Variants in EPHA7 observed in about 807,000 individuals in gnomAD.
EPHA7 encodes ephrin type-A receptor 7.
In EPHA7, 25 loss-of-function variants were observed where a neutral mutation model predicts 112.6. The observed-to-expected ratio is 0.22, with a 90% CI of 0.16 to 0.31. EPHA7 has a LOEUF of 0.31. Ranked by LOEUF, EPHA7 falls within the 10% of genes least tolerant of loss-of-function variation. EPHA7 has a pLI of 1.00. For missense variants in EPHA7, 962 were observed against 1,212.6 expected, an observed-to-expected ratio of 0.79 and a Z score of 3.07; for synonymous variants, 437 against 406.5, an observed-to-expected ratio of 1.07 and a Z score of -0.90.
chr6:93,263,838 T>G (rs545198704), intron 9 of EPHA7, 22 bp downstream of exon 9: 52 of 1,605,006 alleles, frequency 3.2e-5, no homozygotes, highest in Middle Eastern at 1.7e-4. Flanking sequence ...TACATCATAA[T>G]AAAGAAAAGC....
At position 93,260,511 on chromosome 6, in the gene EPHA7, C is replaced by T; in HGVS notation, c.1799-1032G>A. 6 of 955,262 alleles carry T rather than the reference C, an allele frequency of 6.3e-6. No individual in the cohort carries two copies. The South Asian group carries it at 2.9e-4, about 46-fold the overall frequency. The allele number at this position is 955,262 out of a possible 1,614,324, so 59.2% of individuals were successfully genotyped here. A position where few individuals can be genotyped will look rare whatever the true frequency, so the allele number is the denominator to read the frequency against. On this transcript the variant is annotated intron_variant, in intron 9 of 16. Coordinates refer to ENST00000369303, the MANE Select transcript of EPHA7 (RefSeq NM_004440.4). ...AAACTTTATTGTTTTAACAAAGCCA[C>T]TGAACAATCTTTTCATCAAATCTTA...
chr6:93,264,495 T>A (rs183160887), intron 8 of EPHA7, 99 bp downstream of exon 8: 1 of 629,122 alleles, frequency 1.6e-6, no homozygotes, highest in African/African-American at 1.9e-5. Context: ...AATGTTTGCA[T>A]TTACTATTTA....
At chr6:93,402,187 T>C (rs937843071) in intron 3 of EPHA7, among the ~76,000 whole-genome samples, 1 of 152,018 alleles carries the variant, frequency 6.6e-6, no homozygotes, top group African/African-American at 2.4e-5. Context: ...TTTCCTTATG[T>C]TCTCCCCCCT....
chr6:93,270,408 T>TA (rs1326592771), intron 6 of EPHA7, among the ~76,000 whole-genome samples: 1 of 151,312 alleles, frequency 6.6e-6, no homozygotes, highest in East Asian at 1.9e-4. Context: ...ATAGTAAGAT[T>TA]AAGAAGGGAA....
At position 93,255,246 on chromosome 6, in the gene EPHA7, G is replaced by A. The variant is rs9294567; in HGVS notation, c.2383-450C>T. On this transcript the variant is annotated intron_variant, in intron 13 of 16. Transcript: ENST00000369303. The stretch of plus-strand genomic sequence containing the variant: ...GCCTGTTATCCTAGCTACTCGGAAG[G>A]CTGAGGCAGGAGCATTGCTTGAACC... Among the ~76,000 whole-genome samples, 1,111 of 152,116 alleles carry A rather than the reference G, an allele frequency of 7.3e-3. 17 individuals carry two copies. Among genetic ancestry groups the A allele is most frequent in the African/African-American group, 0.026 (1,069 of 41,486 alleles).
chr6:93,412,995 T>C (rs1039294713), intron 2 of EPHA7, among the ~76,000 whole-genome samples: 3 of 151,976 alleles, frequency 2.0e-5, no homozygotes, highest in African/African-American at 7.2e-5. Flanking sequence ...TGATGTAGAC[T>C]ACAAACATTG....
intron 5 of EPHA7, among the ~76,000 whole-genome samples, chr6:93,333,927 C>T (rs143198222): frequency 7.2e-5 from 11 of 152,022 alleles, no homozygotes; most frequent in African/African-American, 2.6e-4. Context: ...AAATTGTTCA[C>T]ATAATTAGAT....
chr6:93,323,142 C>T (rs1184908305), intron 5 of EPHA7, among the ~76,000 whole-genome samples: 1 of 151,474 alleles, frequency 6.6e-6, no homozygotes, highest in Admixed American at 6.6e-5. Context: ...AGCATTTTAA[C>T]AAAATAATTT....
intron 5 of EPHA7, among the ~76,000 whole-genome samples, chr6:93,355,189 TA>T (rs1341204123): frequency 6.6e-6 from 1 of 152,168 alleles, no homozygotes; most frequent in African/African-American, 2.4e-5. Flanking sequence ...CTAAATCACT[TA>T]TTTTTTGTCT....
chr6:93,283,963 T>A (rs1322484510), intron 5 of EPHA7, among the ~76,000 whole-genome samples: 3 of 152,194 alleles, frequency 2.0e-5, no homozygotes, highest in African/African-American at 4.8e-5. Flanking sequence ...ATTGAAGGTA[T>A]GCCTATTCTT....
At chr6:93,418,889 C>G (rs1779381613) in intron 1 of EPHA7, among the ~76,000 whole-genome samples, 1 of 152,190 alleles carries the variant, frequency 6.6e-6, no homozygotes, top group Non-Finnish European at 1.5e-5. Context: ...ACAAGGAAGA[C>G]CGAGCTAGAG....
chr6:93,288,315 C>A (rs755819032), intron 5 of EPHA7, among the ~76,000 whole-genome samples: 1 of 152,128 alleles, frequency 6.6e-6, no homozygotes, highest in Non-Finnish European at 1.5e-5. Flanking sequence ...AGAAGCCAGA[C>A]GACATTGTAT....
At chr6:93,376,776 T>G (rs1777079727) in intron 3 of EPHA7, among the ~76,000 whole-genome samples, 1 of 152,168 alleles carries the variant, frequency 6.6e-6, no homozygotes, top group Admixed American at 6.6e-5. Context: ...CAGACTCAGG[T>G]GCTTTCTCCT....
intron 3 of EPHA7, among the ~76,000 whole-genome samples, chr6:93,397,451 TG>T (rs1219387487): frequency 6.6e-6 from 1 of 151,932 alleles, no homozygotes; most frequent in Non-Finnish European, 1.5e-5. Context: ...TTGATAAATA[TG>T]GTCCTAAAAC....
intron 5 of EPHA7, among the ~76,000 whole-genome samples, chr6:93,327,542 T>G (rs757335227): frequency 5.9e-5 from 9 of 151,518 alleles, no homozygotes; most frequent in Non-Finnish European, 1.2e-4. Flanking sequence ...GTTCCTAAAC[T>G]TCTTCAAACC....
chr6:93,388,904 T>G (rs1426587589), intron 3 of EPHA7, among the ~76,000 whole-genome samples: 1 of 152,048 alleles, frequency 6.6e-6, no homozygotes, highest in Non-Finnish European at 1.5e-5. Flanking sequence ...ATAACATGAT[T>G]GAATTTGCAA....
intron 5 of EPHA7, among the ~76,000 whole-genome samples, chr6:93,272,783 T>A (rs1229506457): frequency 1.3e-5 from 2 of 151,956 alleles, no homozygotes; most frequent in Non-Finnish European, 2.9e-5. Flanking sequence ...TTATTTCACA[T>A]GCAACAGCAA....
Position 93,356,958 on chromosome 6 carries a change from G to A in EPHA7, c.1083C>T (p.Asn361=), listed in dbSNP as rs145247136. The change falls in exon 5 of 17, where the codon AAC becomes AAT. Residue 361 remains asparagine, a synonymous_variant. Coordinates refer to ENST00000369303, the MANE Select transcript of EPHA7 (RefSeq NM_004440.4). Reference sequence around the variant, plus strand: ...TACACAATATTCTGTAGGTCACATCGTTTCTTCCCCCATTGTCTGCAGGAG... The same window carrying A: ...TACACAATATTCTGTAGGTCACATCATTTCTTCCCCCATTGTCTGCAGGAG... ...WSPPADNGGR[N]DVTYRILCKR... is the part of the protein sequence containing the mutation. 10 of 1,613,966 alleles carry A rather than the reference G, an allele frequency of 6.2e-6. No individual in the cohort carries two copies. The highest frequency in any genetic ancestry group is 5.3e-5 in the African/African-American group (4 of 74,912).
chr6:93,331,664 A>G (rs1260249029), intron 5 of EPHA7, among the ~76,000 whole-genome samples: 1 of 151,660 alleles, frequency 6.6e-6, no homozygotes, highest in East Asian at 1.9e-4. Flanking sequence ...CATGAAATAT[A>G]CAAACAATTG....
Sources: gnomAD v4.1 joint callset for allele counts (sites outside exome capture counted in the v4.1 genomes callset) on GRCh38, gnomAD v4.1.1 for gene constraint, MANE v1.5 for transcripts, NCBI Gene and HGNC (gene_info 2026-07-23, HGNC 2026-07-21) for gene names.